Variants in RASA4 observed in about 807,000 individuals in gnomAD.
RASA4 encodes the protein ras GTPase-activating protein 4.
A neutral mutation model predicts 24.0 loss-of-function variants in RASA4; 5 were observed. The ratio of observed to expected loss-of-function variants is 0.21; its 90% confidence interval spans 0.11 to 0.44. RASA4 has a LOEUF of 0.44. RASA4 is among the 20% of genes least tolerant of loss of function. The pLI, the probability that RASA4 is intolerant of heterozygous loss-of-function variation, is 0.99. For missense variants in RASA4, 38 were observed against 293.0 expected (o/e 0.13, Z 6.35); for synonymous variants, 9 against 132.7 (o/e 0.07, Z 6.41).
chr7:102,590,940 C>G (rs1304589233), intron 16 of RASA4, among the ~76,000 whole-genome samples: 3 of 122,220 alleles, frequency 2.5e-5, no homozygotes, highest in African/African-American at 3.3e-5. Context: ...AACTCCATCT[C>G]AAAAAAAAAA....
In RASA4 at chr7:102,579,941, T is replaced by TTTTGTTTGTTTG; in HGVS notation, c.*2818_*2829dup. 7.2e-6 allele frequency: 1 copy of TTTTGTTTGTTTG among 138,248 alleles called. No individual in the cohort carries two copies. Among genetic ancestry groups the TTTTGTTTGTTTG allele is most frequent in the East Asian group, 2.1e-4 (1 of 4,736 alleles). 8.6% of individuals were successfully genotyped at this position (138,248 alleles called of 1,614,324 possible). On this transcript the variant is annotated 3_prime_UTR_variant, in exon 21 of 21. Coordinates refer to ENST00000262940, the MANE Select transcript of RASA4 (RefSeq NM_006989.6). ...GCTTACAACACAACTGCAATATCTT[T>TTTTGTTTGTTTG]TTTGTTTGTTTGTTTGTTTTTGTAA...
chr7:102,603,096 G>T (rs1191210744), intron 5 of RASA4, among the ~76,000 whole-genome samples: 3,031 of 118,654 alleles, frequency 0.026, 3 homozygotes, highest in Non-Finnish European at 0.03. Context: ...GAGTAGCTGG[G>T]ATTACAGGTG....
chr7:102,591,086 C>T (rs1789974955), intron 16 of RASA4, among the ~76,000 whole-genome samples: 1 of 100,700 alleles, frequency 9.9e-6, no homozygotes, highest in Non-Finnish European at 1.9e-5. Context: ...AGTTTGAGAA[C>T]AGCCTGGGCA....
intron 4 of RASA4, among the ~76,000 whole-genome samples, chr7:102,606,664 A>C: frequency 6.3e-5 from 5 of 78,770 alleles, no homozygotes; most frequent in Admixed American, 1.6e-4. Flanking sequence ...ATAGAGCAAG[A>C]CCCCATCTCA....
intron 8 of RASA4, among the ~76,000 whole-genome samples, chr7:102,599,568 C>T (rs1335756112): frequency 1.6e-5 from 2 of 128,390 alleles, no homozygotes; most frequent in African/African-American, 2.8e-5. Flanking sequence ...ACCCGGGAGG[C>T]GGAGCCTGCA....
chr7:102,599,643 A>T (rs1219716740), intron 8 of RASA4, among the ~76,000 whole-genome samples: 1 of 146,416 alleles, frequency 6.8e-6, no homozygotes, highest in Non-Finnish European at 1.5e-5. Context: ...CTCAAAATAA[A>T]TAAATAAATA....
At chr7:102,606,047 C>G in intron 4 of RASA4, 60 bp from the exon 5 acceptor site, 2 of 1,553,660 alleles carry the variant, frequency 1.3e-6, no homozygotes, top group Non-Finnish European at 1.7e-6. Flanking sequence ...CACCCTCAGC[C>G]CCACCAGGCA....
At chr7:102,605,263 CA>C (rs1790589272) in intron 5 of RASA4, among the ~76,000 whole-genome samples, 1 of 127,598 alleles carries the variant, frequency 7.8e-6, no homozygotes, top group South Asian at 2.5e-4. Context: ...GGGGTCTCCT[CA>C]CCCGTACCCC....
chr7:102,605,558 T>G (rs1287025960), intron 5 of RASA4, among the ~76,000 whole-genome samples: 23 of 43,386 alleles, frequency 5.3e-4, no homozygotes, highest in African/African-American at 1.1e-3. Context: ...TACAGGCACC[T>G]GCCACCATGC....
chr7:102,610,605 G>A (rs1790801243), intron 2 of RASA4, among the ~76,000 whole-genome samples: 2 of 152,060 alleles, frequency 1.3e-5, no homozygotes, highest in South Asian at 4.2e-4. Flanking sequence ...GGGGAAGGGA[G>A]CTCAGGCTCT....
Position 102,580,411 on chromosome 7 carries a change from T to TTTTTA in RASA4, c.*2359_*2360insTAAAA, listed in dbSNP as rs1562789009. On this transcript the variant is annotated 3_prime_UTR_variant, in exon 21 of 21. Transcript: ENST00000262940. ...TTCCTTTTTTTTTTTTTTTTTTTTT[T>TTTTTA]AATTTTAGGGACTAGGTTTTGCTAT... 23 of 76,994 alleles carry TTTTTA rather than the reference T, an allele frequency of 3.0e-4. No homozygotes were observed. The highest frequency in any genetic ancestry group is 4.6e-4 in the Admixed American group (3 of 6,568). The allele number at this position is 76,994 out of a possible 1,614,324, so 4.8% of individuals were successfully genotyped here. A position where few individuals can be genotyped will look rare whatever the true frequency, so the allele number is the denominator to read the frequency against.
chr7:102,598,413 CT>C (rs754299214), intron 8 of RASA4, among the ~76,000 whole-genome samples: 26,939 of 86,644 alleles, frequency 0.31, 3,964 homozygotes, highest in Non-Finnish European at 0.43. Context: ...ACTGGGTGTT[CT>C]TTTTTTTTTT....
chr7:102,590,570 C>T (rs1227107436), intron 16 of RASA4, among the ~76,000 whole-genome samples: 7 of 88,946 alleles, frequency 7.9e-5, no homozygotes, highest in African/African-American at 3.4e-4. Context: ...GCTACAAAGT[C>T]AATCCGGCCG....
intron 5 of RASA4, among the ~76,000 whole-genome samples, chr7:102,603,486 C>T (rs1259173893): frequency 4.0e-5 from 6 of 151,476 alleles, no homozygotes; most frequent in Non-Finnish European, 8.9e-5. Context: ...AGGCTGGTCT[C>T]GAAATCTGGG....
intron 4 of RASA4, among the ~76,000 whole-genome samples, chr7:102,606,395 C>CAA (rs555519087): frequency 7.2e-5 from 4 of 55,482 alleles, no homozygotes; most frequent in African/African-American, 1.9e-4. Context: ...GACCCCATCT[C>CAA]AAAAAAAAAA....
intron 16 of RASA4, among the ~76,000 whole-genome samples, chr7:102,591,988 C>G (rs1790022670): frequency 1.3e-5 from 2 of 152,234 alleles, no homozygotes; most frequent in African/African-American, 4.8e-5. Flanking sequence ...CACCCACCAC[C>G]ACACCCGGCT....
intron 4 of RASA4, among the ~76,000 whole-genome samples, chr7:102,608,283 A>AAAC (rs1790746946): frequency 1.4e-5 from 1 of 72,122 alleles, no homozygotes; most frequent in Admixed American, 1.5e-4. Flanking sequence ...TTTTAAAAAA[A>AAAC]AACTATATAA....
At position 102,580,191 on chromosome 7, in the gene RASA4, T is replaced by C. The variant is rs1229764108; in HGVS notation, c.*2580A>G. On this transcript the variant is annotated 3_prime_UTR_variant, in exon 21 of 21. Transcript: ENST00000262940. ...CATAAAAAGATCATTTCTTAACATTTTGTTTTGTTGCAATTGGTTGCTGTA... is the reference window on the plus strand; with the variant it reads ...CATAAAAAGATCATTTCTTAACATTCTGTTTTGTTGCAATTGGTTGCTGTA... The C allele has an allele frequency of 5.5e-6, 1 of 181,898 alleles. No individual in the cohort carries two copies. The highest frequency in any genetic ancestry group is 2.4e-5 in the African/African-American group (1 of 41,112). The allele number at this position is 181,898 out of a possible 1,614,324, so 11.3% of individuals were successfully genotyped here.
intron 6 of RASA4, among the ~76,000 whole-genome samples, chr7:102,601,920 CA>C (rs1232541998): frequency 1.7e-4 from 1 of 5,966 alleles, no homozygotes; most frequent in African/African-American, 1.8e-4. Context: ...GACTTGGCCT[CA>C]AAAAAAAAAA....
Sources: allele counts gnomAD v4.1 joint callset (sites outside exome capture counted in the v4.1 genomes callset), GRCh38; gene constraint gnomAD v4.1.1; transcripts MANE v1.5; gene names NCBI Gene and HGNC (gene_info 2026-07-23, HGNC 2026-07-21).